Variants in BANK1 observed in about 807,000 individuals in gnomAD.
BANK1 encodes B cell scaffold protein with ankyrin repeats 1, also known as B-cell scaffold protein with ankyrin repeats.
A neutral mutation model predicts 94.5 loss-of-function variants in BANK1; 95 were observed. The observed-to-expected ratio is 1.00, with a 90% CI of 0.85 to 1.19. The LOEUF (loss-of-function observed/expected upper bound fraction) is 1.19. Among genes scored for constraint, BANK1 ranks in the 50% most tolerant of loss-of-function variants. BANK1 has a pLI of 0.00. For missense variants in BANK1, 987 were observed against 932.2 expected (o/e 1.06, Z -0.77); for synonymous variants, 334 against 308.4 (o/e 1.08, Z -0.87).
intron 6 of BANK1, among the ~76,000 whole-genome samples, chr4:101,907,230 G>A (rs1386443842): frequency 1.3e-5 from 2 of 152,072 alleles, no homozygotes; most frequent in Non-Finnish European, 2.9e-5. Flanking sequence ...TTCATCCCTG[G>A]GATGCAAGGC....
At chr4:101,809,975 T>C (rs967394033) in intron 1 of BANK1, among the ~76,000 whole-genome samples, 1 of 152,096 alleles carries the variant, frequency 6.6e-6, no homozygotes, top group African/African-American at 2.4e-5. Flanking sequence ...TCAGCTGACT[T>C]TGAGATAGGG....
At chr4:101,915,744 T>C (rs1722806849) in intron 6 of BANK1, among the ~76,000 whole-genome samples, 1 of 152,118 alleles carries the variant, frequency 6.6e-6, no homozygotes, top group Non-Finnish European at 1.5e-5. Context: ...GCATAGGGCT[T>C]TGATGGACTA....
In BANK1 at chr4:102,010,568, T is replaced by C. The variant is rs768204515; in HGVS notation, c.1207-10946T>C. On this transcript the variant is annotated intron_variant, in intron 7 of 16. Transcript: ENST00000322953. ...CCACCACGCCCGGCTAATTTTTGTG[T>C]TTTTAGTAGAGACAGGGTTTCACCA... 4.0e-5 allele frequency among the ~76,000 whole-genome samples: 6 copies of C among 151,738 alleles called. 1 individual carries two copies. The East Asian group carries it at 1.2e-3, about 30-fold the overall frequency.
intron 2 of BANK1, among the ~76,000 whole-genome samples, chr4:101,836,130 T>C (rs1277367422): frequency 6.6e-6 from 1 of 152,146 alleles, no homozygotes; most frequent in Admixed American, 6.6e-5. Context: ...TCCGTAACTA[T>C]TTTTTTAACC....
At chr4:101,960,960 C>G (rs1183960253) in intron 7 of BANK1, among the ~76,000 whole-genome samples, 1 of 152,050 alleles carries the variant, frequency 6.6e-6, no homozygotes, top group Non-Finnish European at 1.5e-5. Flanking sequence ...TTTTTTAAAA[C>G]CAACTTACCT....
intron 6 of BANK1, among the ~76,000 whole-genome samples, chr4:101,898,545 C>G (rs529627050): frequency 1.3e-5 from 2 of 151,966 alleles, no homozygotes; most frequent in Admixed American, 6.6e-5. Context: ...AATTGAGTCT[C>G]TCTCAGAGAA....
At chr4:101,890,197 A>C (rs1283805374) in intron 5 of BANK1, among the ~76,000 whole-genome samples, 1 of 152,052 alleles carries the variant, frequency 6.6e-6, no homozygotes, top group East Asian at 1.9e-4. Flanking sequence ...CATTGGGATG[A>C]TGGTGTGTTT....
intron 2 of BANK1, among the ~76,000 whole-genome samples, chr4:101,852,437 A>G (rs1727513448): frequency 1.4e-5 from 2 of 145,300 alleles, no homozygotes. Flanking sequence ...CACATGACCC[A>G]CAAGCCAGAA....
rs1343197093 is a variant in BANK1, at chr4:101,986,899, G to GTGTGTGTGTGTATATATA, written c.1207-34614_1207-34613insGTGTGTGTGTATATATAT. On this transcript the variant is annotated intron_variant, in intron 7 of 16. Transcript: ENST00000322953. ...TGTGTGTGTGTGTGTGTGTGTGTGT[G>GTGTGTGTGTGTATATATA]TATATATATATATATATATATATAT... Among the ~76,000 whole-genome samples the GTGTGTGTGTGTATATATA allele has an allele frequency of 9.0e-4, 74 of 82,642 alleles. 4 individuals carry two copies. The highest frequency in any genetic ancestry group is 4.2e-3 in the African/African-American group (65 of 15,534). The allele number at this position is 82,642 out of a possible 152,430, so 54.2% of individuals were successfully genotyped here.
chr4:101,925,149 T>G (rs536109962), intron 7 of BANK1, among the ~76,000 whole-genome samples: 1 of 151,794 alleles, frequency 6.6e-6, no homozygotes, highest in East Asian at 2.0e-4. Context: ...GAGATTTACC[T>G]TGTAGTATTT....
chr4:101,830,464 G>C (rs1726574173), intron 2 of BANK1, among the ~76,000 whole-genome samples: 1 of 152,040 alleles, frequency 6.6e-6, no homozygotes, highest in Admixed American at 6.5e-5. Flanking sequence ...GCCTGGATGA[G>C]ATCATGGCAG....
At chr4:101,939,242 T>C (rs1478876527) in intron 7 of BANK1, among the ~76,000 whole-genome samples, 1 of 151,738 alleles carries the variant, frequency 6.6e-6, no homozygotes, top group Non-Finnish European at 1.5e-5. Flanking sequence ...AAGCAATCTT[T>C]ATAGTAATCT....
intron 2 of BANK1, among the ~76,000 whole-genome samples, chr4:101,844,367 A>G (rs1467564421): frequency 6.6e-6 from 1 of 152,156 alleles, no homozygotes; most frequent in African/African-American, 2.4e-5. Flanking sequence ...TGAAGGAATG[A>G]AAGATTGTGG....
chr4:102,066,961 T>C (rs1267299926), intron 13 of BANK1, among the ~76,000 whole-genome samples: 2 of 152,110 alleles, frequency 1.3e-5, no homozygotes, highest in South Asian at 2.1e-4. Context: ...GTTTCCAAAA[T>C]TGTTACGTGG....
At chr4:102,063,201 G>T in intron 13 of BANK1, 63 bp downstream of exon 13, 1 of 1,449,154 alleles carries the variant, frequency 6.9e-7, no homozygotes, top group Admixed American at 1.7e-5. Flanking sequence ...TTCAAGGACT[G>T]TGGAGATGAT....
intron 6 of BANK1, among the ~76,000 whole-genome samples, chr4:101,909,351 T>A (rs1027307915): frequency 6.6e-6 from 1 of 151,944 alleles, no homozygotes; most frequent in Non-Finnish European, 1.5e-5. Context: ...ATGAGAACAC[T>A]TGGACACAGG....
chr4:101,871,549 A>G (rs1560610356), intron 5 of BANK1, among the ~76,000 whole-genome samples: 1 of 152,144 alleles, frequency 6.6e-6, no homozygotes, highest in East Asian at 1.9e-4. Flanking sequence ...TTTATATTAT[A>G]TGAACGACAT....
chr4:101,901,439 T>C (rs966429256), intron 6 of BANK1, among the ~76,000 whole-genome samples: 1 of 152,208 alleles, frequency 6.6e-6, no homozygotes, highest in African/African-American at 2.4e-5. Context: ...TCCAATGTAG[T>C]GAACCTCAGT....
chr4:101,885,690 G>A (rs1341804591), intron 5 of BANK1, among the ~76,000 whole-genome samples: 1 of 152,158 alleles, frequency 6.6e-6, no homozygotes, highest in Non-Finnish European at 1.5e-5. Flanking sequence ...CATGACCACG[G>A]TCAATAAGGG....
Sources: allele counts gnomAD v4.1 joint callset (sites outside exome capture counted in the v4.1 genomes callset), GRCh38; gene constraint gnomAD v4.1.1; transcripts MANE v1.5; gene names NCBI Gene and HGNC (gene_info 2026-07-23, HGNC 2026-07-21).